The following PXDN variants were observed in gnomAD, a reference collection of about 807,000 sequenced individuals.
PXDN encodes peroxidasin homolog.
In PXDN, 77 loss-of-function variants were observed where a neutral mutation model predicts 140.3. That is an observed-to-expected ratio of 0.55 (90% confidence interval 0.46 to 0.66). PXDN has a LOEUF of 0.66. PXDN is among the 30% of genes least tolerant of loss of function. The probability of loss-of-function intolerance (pLI) is 0.00; values close to 1 mark genes in which losing one functional copy is unlikely to be tolerated. For missense variants in PXDN, 1,838 were observed against 2,039.5 expected (o/e 0.90, Z 1.90); for synonymous variants, 911 against 857.4 (o/e 1.06, Z -1.09).
chr2:1,704,439 ACAACTCCAGGTGAAGGGGGG>A (rs1684535340), intron 1 of PXDN, among the ~76,000 whole-genome samples: 1 of 51,612 alleles, frequency 1.9e-5, no homozygotes, highest in Non-Finnish European at 3.2e-5. Context: ...AAGGTAGGGG[ACAACTCCAGGTGAAGGGGGG>A]CAACTCCAGG....
At chr2:1,650,624 AG>A (rs1289493049) in intron 16 of PXDN, among the ~76,000 whole-genome samples, 6 of 152,038 alleles carry the variant, frequency 3.9e-5, no homozygotes, top group Non-Finnish European at 7.4e-5. Flanking sequence ...CATACATCCT[AG>A]GCCTTCACCT....
intron 1 of PXDN, among the ~76,000 whole-genome samples, chr2:1,741,654 ACT>A (rs374069778): frequency 1.3e-5 from 2 of 152,242 alleles, no homozygotes; most frequent in African/African-American, 4.8e-5. Context: ...CTTTTGGGGG[ACT>A]GGGATGGAGG....
At position 1,660,853 on chromosome 2, in the gene PXDN, G is replaced by A. The variant is rs1386191184; in HGVS notation, c.1837+28C>T. On this transcript the variant is annotated intron_variant, in intron 14 of 22. Transcript: ENST00000252804. The surrounding 1 kb of genome is among the most constrained non-coding windows in gnomAD (Gnocchi z 4.6). ...CGGGCTTTCTTTGTGGATACCATGT[G>A]GGTAGATGTGGGCATGTGGCATCTT... The A allele has an allele frequency of 1.3e-6, 2 of 1,597,742 alleles. No homozygotes were observed. The highest frequency in any genetic ancestry group is 4.5e-5 in the East Asian group (2 of 44,586).
intron 1 of PXDN, among the ~76,000 whole-genome samples, chr2:1,700,423 T>C (rs1437182912): frequency 2.0e-5 from 3 of 152,194 alleles, no homozygotes; most frequent in African/African-American, 7.2e-5. Flanking sequence ...CCTAAGATTT[T>C]TGATCACATT....
Position 1,695,989 on chromosome 2 carries a change from A to G in PXDN, c.201-2855T>C, listed in dbSNP as rs1052543402. 3.0e-4 allele frequency among the ~76,000 whole-genome samples: 46 copies of G among 151,600 alleles called. 1 individual carries two copies. Among genetic ancestry groups the G allele is most frequent in the Admixed American group, 8.6e-4 (13 of 15,198 alleles). ...AGAGGTGGCCTAGAGTGATGGACAG[A>G]GAGGTGCTGTCCCATCCACAGGCCC... On this transcript the variant is annotated intron_variant, in intron 1 of 22. Transcript: ENST00000252804.
At chr2:1,739,037 A>T (rs1685480109) in intron 1 of PXDN, among the ~76,000 whole-genome samples, 2 of 152,120 alleles carry the variant, frequency 1.3e-5, no homozygotes, top group Admixed American at 1.3e-4. Context: ...GGCCCTCATC[A>T]GCTTCTGGCC....
intron 1 of PXDN, among the ~76,000 whole-genome samples, chr2:1,707,136 C>G (rs1684634754): frequency 8.3e-6 from 1 of 119,884 alleles, no homozygotes; most frequent in Non-Finnish European, 1.8e-5. Flanking sequence ...CTAAGCATCA[C>G]CTGCCCCACT....
rs1007742098 is a variant in PXDN at position 1,651,056 on chromosome 2, C to T, written c.2105-1381G>A. On this transcript the variant is annotated intron_variant, in intron 16 of 22. Coordinates refer to ENST00000252804, the MANE Select transcript of PXDN (RefSeq NM_012293.3). This position sits in a 1 kb window ranked among gnomAD's most constrained non-coding sequence, Gnocchi z 4.4. ...GAAAGGTCTGTGCAGGGAACATGAA[C>T]CCCGGGCTCCCCTCAGCCCCTGGTT... Among the ~76,000 whole-genome samples, 1 of 152,070 alleles carries T rather than the reference C, an allele frequency of 6.6e-6. No individual in the cohort carries two copies.
At chr2:1,740,501 C>G (rs1685518456) in intron 1 of PXDN, among the ~76,000 whole-genome samples, 1 of 152,138 alleles carries the variant, frequency 6.6e-6, no homozygotes, top group African/African-American at 2.4e-5. Context: ...GGGGGGCCTG[C>G]AGGCGGGAGG....
rs761191752 is a variant in PXDN at position 1,649,688 on chromosome 2, GA to G, written c.2105-14del. On this transcript the variant is annotated splice_polypyrimidine_tract_variant and intron_variant, in intron 16 of 22. Coordinates refer to ENST00000252804, the MANE Select transcript of PXDN (RefSeq NM_012293.3). This position sits in a 1 kb window ranked among gnomAD's most constrained non-coding sequence, Gnocchi z 7.1. The stretch of plus-strand genomic sequence containing the variant: ...TTGTAGTGGTAACCTGGGACGTGGA[GA>G]AAAGCAAGACGCACTCAATTCCCCT... 35 of 1,613,280 alleles carry G rather than the reference GA, an allele frequency of 2.2e-5. No homozygotes were observed. The highest frequency in any genetic ancestry group is 3.0e-5 in the Non-Finnish European group (35 of 1,179,618).
At position 1,680,475 on chromosome 2, in the gene PXDN, G is replaced by A. The variant is rs147874811; in HGVS notation, c.561-113C>T. The stretch of plus-strand genomic sequence containing the variant: ...GGGAAACATGTGCCAGGCCTGCCAG[G>A]CTTGCGACATGGGGATGGGACACGT... On this transcript the variant is annotated intron_variant, in intron 6 of 22. Transcript: ENST00000252804. 0.012 allele frequency: 15,481 copies of A among 1,318,762 alleles called. 126 individuals are homozygous for A. The highest frequency in any genetic ancestry group is 0.032 in the Middle Eastern group (171 of 5,374). The allele number at this position is 1,318,762 out of a possible 1,614,324, so 81.7% of individuals were successfully genotyped here.
At chr2:1,732,950 T>C (rs1685345176) in intron 1 of PXDN, among the ~76,000 whole-genome samples, 1 of 152,206 alleles carries the variant, frequency 6.6e-6, no homozygotes, top group Admixed American at 6.5e-5. Context: ...CAATGTCTGA[T>C]TTGAAAAACA....
chr2:1,684,255 T>C (rs1286780544), intron 4 of PXDN, 104 bp from the exon 5 acceptor site: 2 of 835,140 alleles, frequency 2.4e-6, no homozygotes, highest in Non-Finnish European at 3.9e-6. Flanking sequence ...CAGATATCAA[T>C]AGATAGCTCA....
chr2:1,693,490 G>A (rs551808683), intron 1 of PXDN, among the ~76,000 whole-genome samples: 51 of 152,166 alleles, frequency 3.4e-4, no homozygotes, highest in Admixed American at 1.9e-3. Context: ...AGAGAGTCAC[G>A]CCACCTGTGC....
chr2:1,716,005 G>C (rs1368957088), intron 1 of PXDN, among the ~76,000 whole-genome samples: 4 of 152,330 alleles, frequency 2.6e-5, no homozygotes, highest in South Asian at 4.1e-4. Flanking sequence ...TTTCTAATTT[G>C]ACGGCAGGTG....
intron 1 of PXDN, among the ~76,000 whole-genome samples, chr2:1,706,182 C>T (rs57722780): frequency 6.6e-6 from 1 of 152,126 alleles, no homozygotes; most frequent in Non-Finnish European, 1.5e-5. Context: ...TAGGAGCTCC[C>T]GGGTTATTCT....
At chr2:1,659,926 C>T (rs1489116434) in intron 14 of PXDN, among the ~76,000 whole-genome samples, 1 of 152,150 alleles carries the variant, frequency 6.6e-6, no homozygotes, top group Admixed American at 6.6e-5. Context: ...GCGGATCAGT[C>T]ACAATGAGAG....
chr2:1,701,595 A>G (rs1684431183), intron 1 of PXDN, among the ~76,000 whole-genome samples: 1 of 148,482 alleles, frequency 6.7e-6, no homozygotes. Context: ...AGCGGGCTCA[A>G]GGTGGGAGGT....
At chr2:1,650,226 C>T (rs1186857032) in intron 16 of PXDN, among the ~76,000 whole-genome samples, 3 of 152,194 alleles carry the variant, frequency 2.0e-5, no homozygotes, top group African/African-American at 7.2e-5. Context: ...TCAAAATGTT[C>T]CTAGCCGCCG....
Sources: allele counts gnomAD v4.1 joint callset (sites outside exome capture counted in the v4.1 genomes callset), GRCh38; gene constraint gnomAD v4.1.1; non-coding constraint Gnocchi (gnomAD v3.1); transcripts MANE v1.5; gene names NCBI Gene and HGNC (gene_info 2026-07-23, HGNC 2026-07-21).